Variants in AFG2A observed in about 807,000 individuals in gnomAD.
AFG2A encodes ATPase family gene 2 protein homolog A.
chr4:122,979,016 G>A, the AFG2A span, among the ~76,000 whole-genome samples: 1 of 152,198 alleles, frequency 6.6e-6, no homozygotes, highest in Non-Finnish European at 1.5e-5. Flanking sequence ...GTGCCTGGGT[G>A]AGTGGGGCTC....
chr4:122,970,750 G>T, the AFG2A span, among the ~76,000 whole-genome samples: 19 of 151,938 alleles, frequency 1.3e-4, no homozygotes, highest in African/African-American at 4.3e-4. Flanking sequence ...TATAATGTTT[G>T]CACAATGACA....
the AFG2A span, chr4:123,317,280 G>A: frequency 6.7e-6 from 1 of 150,200 alleles, no homozygotes; most frequent in Admixed American, 6.6e-5. Flanking sequence ...ACCTGCCCAT[G>A]GCTTTAGAAT....
chr4:122,998,817 G>A, the AFG2A span, among the ~76,000 whole-genome samples: 1 of 152,172 alleles, frequency 6.6e-6, no homozygotes, highest in Non-Finnish European at 1.5e-5. Flanking sequence ...AGTCCTTTGG[G>A]TGTATACCCA....
At chr4:123,068,910 A>G in the AFG2A span, among the ~76,000 whole-genome samples, 30 of 152,312 alleles carry the variant, frequency 2.0e-4, no homozygotes, top group East Asian at 5.2e-3. Flanking sequence ...TAATGTTTAT[A>G]GAAGCATCAT....
the AFG2A span, among the ~76,000 whole-genome samples, chr4:123,286,685 G>A: frequency 0.015 from 2,235 of 151,820 alleles, 51 homozygotes; most frequent in African/African-American, 0.052. Context: ...ATCACACATC[G>A]ACCTGGTTAT....
At chr4:123,186,584 A>G in the AFG2A span, among the ~76,000 whole-genome samples, 4 of 152,226 alleles carry the variant, frequency 2.6e-5, no homozygotes, top group South Asian at 6.2e-4. Context: ...TAAAAGGTAC[A>G]TCGTTTTAAA....
the AFG2A span, among the ~76,000 whole-genome samples, chr4:122,957,124 AAAG>A: frequency 3.9e-5 from 6 of 152,178 alleles, no homozygotes; most frequent in Non-Finnish European, 8.8e-5. Flanking sequence ...AATGGAAGAA[AAAG>A]AAGGATAGGA....
At chr4:123,015,663 C>T in the AFG2A span, among the ~76,000 whole-genome samples, 4 of 151,362 alleles carry the variant, frequency 2.6e-5, no homozygotes, top group Admixed American at 6.6e-5. Flanking sequence ...ACAAAACCGC[C>T]ATTGTCATCA....
chr4:123,170,513 TG>T, the AFG2A span, among the ~76,000 whole-genome samples: 1 of 152,210 alleles, frequency 6.6e-6, no homozygotes, highest in Non-Finnish European at 1.5e-5. Flanking sequence ...AGATTCTGTC[TG>T]TAACTGACAG....
At chr4:123,141,935 G>A in the AFG2A span, among the ~76,000 whole-genome samples, 1 of 152,134 alleles carries the variant, frequency 6.6e-6, no homozygotes, top group Non-Finnish European at 1.5e-5. Context: ...TGTATTTTAA[G>A]ACCATTCCTT....
chr4:123,137,121 G>A, the AFG2A span, among the ~76,000 whole-genome samples: 1 of 152,252 alleles, frequency 6.6e-6, no homozygotes, highest in African/African-American at 2.4e-5. Context: ...CTAACGGTGC[G>A]GCTGATCAGG....
the AFG2A span, among the ~76,000 whole-genome samples, chr4:123,173,187 TA>T: frequency 6.6e-6 from 1 of 151,172 alleles, no homozygotes. Flanking sequence ...GCTTTAAAAA[TA>T]AAAAAAAGCC....
the AFG2A span, among the ~76,000 whole-genome samples, chr4:122,943,850 G>A: frequency 1.3e-5 from 2 of 151,918 alleles, no homozygotes; most frequent in African/African-American, 4.8e-5. Flanking sequence ...AAATCTCTCA[G>A]CATTTGCTTG....
the AFG2A span, among the ~76,000 whole-genome samples, chr4:122,980,038 A>G: frequency 6.6e-6 from 1 of 152,226 alleles, no homozygotes; most frequent in Non-Finnish European, 1.5e-5. Flanking sequence ...ATACAATTTT[A>G]TCTCATGAAA....
chr4:123,036,307 T>A, the AFG2A span, among the ~76,000 whole-genome samples: 1 of 152,110 alleles, frequency 6.6e-6, no homozygotes, highest in Non-Finnish European at 1.5e-5. Flanking sequence ...TCAAAGGTGA[T>A]AAAAATTTTT....
chr4:123,176,106 A>C, the AFG2A span, among the ~76,000 whole-genome samples: 2 of 152,172 alleles, frequency 1.3e-5, no homozygotes, highest in African/African-American at 4.8e-5. Flanking sequence ...AGGAGGGAAG[A>C]ATTGAGTGAA....
At chr4:123,262,602 A>G in the AFG2A span, among the ~76,000 whole-genome samples, 34 of 152,392 alleles carry the variant, frequency 2.2e-4, no homozygotes, top group Non-Finnish European at 4.1e-4. Flanking sequence ...ACTAAACAGC[A>G]GTTATGAAAC....
the AFG2A span, among the ~76,000 whole-genome samples, chr4:123,227,961 T>C: frequency 1.3e-5 from 2 of 152,178 alleles, no homozygotes; most frequent in Non-Finnish European, 2.9e-5. Context: ...TTTACCATTA[T>C]GTAATGGCCT....
chr4:122,996,653 C>G, the AFG2A span, among the ~76,000 whole-genome samples: 1 of 151,802 alleles, frequency 6.6e-6, no homozygotes, highest in African/African-American at 2.4e-5. Flanking sequence ...GGAATTGGCT[C>G]ACACAATTAT....
Sources: gnomAD v4.1 joint callset for allele counts (sites outside exome capture counted in the v4.1 genomes callset) on GRCh38, gnomAD v4.1.1 for gene constraint, MANE v1.5 for transcripts, NCBI Gene and HGNC (gene_info 2026-07-23, HGNC 2026-07-21) for gene names.